ATE1: variants seen among roughly 807,000 people sequenced by gnomAD.
The protein encoded by ATE1 is arginyl-tRNA--protein transferase 1.
ATE1 carries 36 observed loss-of-function variants against 70.5 expected under a neutral mutation model. The observed-to-expected ratio is 0.51, with a 90% CI of 0.39 to 0.67. The LOEUF (loss-of-function observed/expected upper bound fraction) is 0.67. Ranked by LOEUF, ATE1 falls within the 30% of genes least tolerant of loss-of-function variation. ATE1 has a pLI of 0.00. For missense variants in ATE1, 593 were observed against 629.5 expected, an observed-to-expected ratio of 0.94 and a Z score of 0.62; for synonymous variants, 232 against 219.3, an observed-to-expected ratio of 1.06 and a Z score of -0.51.
At chr10:121,830,447 A>C (rs1346105252) in intron 10 of ATE1, among the ~76,000 whole-genome samples, 1 of 152,018 alleles carries the variant, frequency 6.6e-6, no homozygotes, top group African/African-American at 2.4e-5. Context: ...ACAGCATAGG[A>C]CCCTCACCAG....
intron 11 of ATE1, among the ~76,000 whole-genome samples, chr10:121,774,381 C>T (rs559435310): frequency 6.3e-4 from 96 of 152,158 alleles, no homozygotes; most frequent in African/African-American, 2.1e-3. Context: ...AAAGTTTGCA[C>T]AGGTCAAGGT....
chr10:121,903,935 CAG>C (rs886449868), intron 5 of ATE1, among the ~76,000 whole-genome samples: 2 of 151,818 alleles, frequency 1.3e-5, no homozygotes, highest in African/African-American at 4.8e-5. Flanking sequence ...GTTTCAGAAA[CAG>C]AGACAGGATT....
At chr10:121,814,885 C>A (rs1444816432) in intron 10 of ATE1, among the ~76,000 whole-genome samples, 1 of 152,172 alleles carries the variant, frequency 6.6e-6, no homozygotes, top group Non-Finnish European at 1.5e-5. Flanking sequence ...CTCTGCCCCA[C>A]TAAAATGGAA....
chr10:121,833,153 C>T (rs991381311), intron 10 of ATE1, among the ~76,000 whole-genome samples: 4 of 152,166 alleles, frequency 2.6e-5, no homozygotes, highest in African/African-American at 4.8e-5. Context: ...TGTGTCACCA[C>T]CTCCCTTTGC....
intron 5 of ATE1, among the ~76,000 whole-genome samples, chr10:121,902,831 A>C (rs1951035258): frequency 6.6e-6 from 1 of 152,268 alleles, no homozygotes; most frequent in Non-Finnish European, 1.5e-5. Flanking sequence ...TAAATAGCAC[A>C]GAAACTTTCC....
chr10:121,902,447 A>G lies in ATE1; in HGVS notation c.757T>C (p.Ser253Pro). The change falls in exon 6 of 12, where the codon TCA becomes CCA. Residue 253 changes from serine to proline, a missense_variant. Coordinates refer to ENST00000224652, the MANE Select transcript of ATE1 (RefSeq NM_001001976.3). ...PPKAKSNQPK[S>P]LEDLIFESLP... ...GACTCAAAAATTAAATCTTCGAGTG[A>G]TTTTGGCTGGTTGGATTTAGCCTTT... is the stretch of plus-strand genomic sequence containing the variant. 3 of 1,614,208 alleles carry G rather than the reference A, an allele frequency of 1.9e-6. No homozygotes were observed. Among genetic ancestry groups the G allele is most frequent in the Non-Finnish European group, 2.5e-6 (3 of 1,180,040 alleles).
At chr10:121,916,055 T>A (rs1357197473) in intron 3 of ATE1, among the ~76,000 whole-genome samples, 3 of 148,416 alleles carry the variant, frequency 2.0e-5, no homozygotes, top group African/African-American at 7.5e-5. Context: ...GCTAACAAGG[T>A]GAAACCCCGT....
chr10:121,750,715 T>C (rs918489989), intron 11 of ATE1, among the ~76,000 whole-genome samples: 1 of 152,242 alleles, frequency 6.6e-6, no homozygotes, highest in African/African-American at 2.4e-5. Context: ...TCTATTCTCT[T>C]AACTTCATTA....
intron 11 of ATE1, among the ~76,000 whole-genome samples, chr10:121,773,329 C>T (rs1476825169): frequency 2.6e-5 from 4 of 152,202 alleles, no homozygotes; most frequent in Non-Finnish European, 5.9e-5. Flanking sequence ...CTCTTCTTGT[C>T]ATTCAATAAG....
chr10:121,908,787 G>A (rs1951304604), intron 5 of ATE1, among the ~76,000 whole-genome samples: 1 of 152,032 alleles, frequency 6.6e-6, no homozygotes. Context: ...TTGCCCCCCT[G>A]CCCCACGGCA....
At chr10:121,841,299 T>A (rs1367502098) in intron 8 of ATE1, 36 bp from the exon 9 acceptor site, 5 of 1,298,816 alleles carry the variant, frequency 3.8e-6, no homozygotes, top group Non-Finnish European at 3.0e-6. Flanking sequence ...GCCATTTTTT[T>A]AATATTAAAA....
rs186177111 is a variant in ATE1, at chr10:121,803,709, T to C, written c.1258-13420A>G. Among the ~76,000 whole-genome samples, 36 of 152,336 alleles carry C rather than the reference T, an allele frequency of 2.4e-4. 1 individual carries two copies. In the East Asian group the frequency reaches 5.4e-3, roughly 23 times the overall value. ...CTGTCTCTAACTAATCATATCTCTATCTGGAGCCATGATTTTTTCCAGAAT... is the reference window on the plus strand; with the variant it reads ...CTGTCTCTAACTAATCATATCTCTACCTGGAGCCATGATTTTTTCCAGAAT... On this transcript the variant is annotated intron_variant, in intron 10 of 11. Coordinates refer to ENST00000224652, the MANE Select transcript of ATE1 (RefSeq NM_001001976.3).
chr10:121,873,008 A>G (rs1167520776), intron 7 of ATE1, among the ~76,000 whole-genome samples: 1 of 152,150 alleles, frequency 6.6e-6, no homozygotes, highest in Non-Finnish European at 1.5e-5. Context: ...CATTCTAATA[A>G]CAATCGTAGG....
chr10:121,919,255 C>A (rs879543544), intron 3 of ATE1, among the ~76,000 whole-genome samples: 1 of 152,110 alleles, frequency 6.6e-6, no homozygotes, highest in Non-Finnish European at 1.5e-5. Context: ...CGGCTTCATT[C>A]TTGAAGTGAG....
chr10:121,871,304 C>T (rs61153130), intron 7 of ATE1, among the ~76,000 whole-genome samples: 16,332 of 151,974 alleles, frequency 0.11, 2,773 homozygotes, highest in African/African-American at 0.36. Context: ...AATAAAAATA[C>T]AAAAATTAGC....
In ATE1 at chr10:121,792,192, G is replaced by A. The variant is rs193198806; in HGVS notation, c.1258-1903C>T. ...AGAAATGAGAACAATCTAGATAAAG[G>A]GAACGGCATAAACAAAGACACAGAG... On this transcript the variant is annotated intron_variant, in intron 10 of 11. Coordinates refer to ENST00000224652, the MANE Select transcript of ATE1 (RefSeq NM_001001976.3). Among the ~76,000 whole-genome samples the A allele has an allele frequency of 9.9e-4, 151 of 152,186 alleles. 1 individual carries two copies. Among genetic ancestry groups the A allele is most frequent in the Admixed American group, 8.4e-3 (129 of 15,284 alleles).
chr10:121,924,442 T>C, intron 1 of ATE1, 113 bp from the exon 2 acceptor site: 1 of 995,290 alleles, frequency 1.0e-6, no homozygotes, highest in South Asian at 1.3e-5. Flanking sequence ...GGCTCATGCC[T>C]GTAATCCCAG....
intron 7 of ATE1, among the ~76,000 whole-genome samples, chr10:121,883,974 C>T (rs1198780446): frequency 6.6e-5 from 10 of 151,658 alleles, no homozygotes; most frequent in Admixed American, 6.6e-4. Context: ...GCGGTAGTGG[C>T]GAGCACCTGT....
chr10:121,871,026 C>T (rs1317957584), intron 7 of ATE1, among the ~76,000 whole-genome samples: 1 of 152,246 alleles, frequency 6.6e-6, no homozygotes, highest in East Asian at 1.9e-4. Context: ...CTAGTACTCG[C>T]AGGGAATACA....
Sources: gnomAD v4.1 joint callset for allele counts (sites outside exome capture counted in the v4.1 genomes callset) on GRCh38, gnomAD v4.1.1 for gene constraint, MANE v1.5 for transcripts, NCBI Gene and HGNC (gene_info 2026-07-23, HGNC 2026-07-21) for gene names.